SLC66A3: variants seen among roughly 807,000 people sequenced by gnomAD.
SLC66A3 encodes solute carrier family 66 member 3.
In SLC66A3, 23 loss-of-function variants were observed where a neutral mutation model predicts 25.5. That is an observed-to-expected ratio of 0.90 (90% confidence interval 0.65 to 1.28). The LOEUF is 1.28. Among genes scored for constraint, SLC66A3 ranks in the 50% most tolerant of loss-of-function variants. The probability of loss-of-function intolerance (pLI) is 0.00; values close to 1 mark genes in which losing one functional copy is unlikely to be tolerated. For synonymous variants in SLC66A3, 108 were observed against 112.6 expected (o/e 0.96, Z 0.26); for missense variants, 246 against 262.1 (o/e 0.94, Z 0.42).
chr2:11,166,743 A>G (rs1000569947), intron 4 of SLC66A3, among the ~76,000 whole-genome samples: 5 of 152,008 alleles, frequency 3.3e-5, no homozygotes, highest in African/African-American at 1.2e-4. Flanking sequence ...GAAAATACAA[A>G]AATTAGCCAT....
chr2:11,160,665 C>A lies in SLC66A3; in HGVS notation c.267C>A (p.Asn89Lys). The A allele has an allele frequency of 6.2e-7, 1 of 1,614,108 alleles. No individual in the cohort carries two copies. The highest frequency in any genetic ancestry group is 1.1e-5 in the South Asian group (1 of 91,084). The change falls in exon 3 of 7, where the codon AAC becomes AAA. Residue 89 changes from asparagine (N) to lysine (K), a missense_variant. By Grantham distance (94) the Asn-to-Lys change is moderately conservative. Around this residue, in one of 3 missense-constraint regions of SLC66A3, gnomAD observed 142 missense variants for 130.3 expected, o/e 1.09. Transcript: ENST00000295083. ...LLLCIFHFNG[N>K]VKQATPYIAV... The stretch of plus-strand genomic sequence containing the variant: ...TCTGTATCTTTCATTTTAACGGGAA[C>A]GTGAAGCAGGCCACTCCTTACATCG...
At chr2:11,163,162 C>T (rs1662187384) in intron 3 of SLC66A3, among the ~76,000 whole-genome samples, 1 of 152,132 alleles carries the variant, frequency 6.6e-6, no homozygotes, top group Admixed American at 6.5e-5. Flanking sequence ...TGTTTTCGAC[C>T]TGAAATTAAA....
chr2:11,176,551 C>A (rs1390083084), intron 6 of SLC66A3, among the ~76,000 whole-genome samples: 1 of 66,148 alleles, frequency 1.5e-5, no homozygotes, highest in South Asian at 5.9e-4. Context: ...TTTTTTGAGA[C>A]GGAGTCTCGC....
rs112268282 is a variant in SLC66A3, at chr2:11,160,905, C to T, written c.296+211C>T. 154 of 781,532 alleles carry T rather than the reference C, an allele frequency of 2.0e-4. No homozygotes were observed. In the African/African-American group the frequency reaches 2.2e-3, roughly 11 times the overall value. The allele number at this position is 781,532 out of a possible 1,614,324, so 48.4% of individuals were successfully genotyped here. A position where few individuals can be genotyped will look rare whatever the true frequency, so the allele number is the denominator to read the frequency against. On this transcript the variant is annotated intron_variant, in intron 3 of 6. Coordinates refer to ENST00000295083, the MANE Select transcript of SLC66A3 (RefSeq NM_152391.5). Reference sequence around the variant, plus strand: ...TCCTCCGAGACCAGCATGCCCTGGGCGGTGCCAGCAGGCCGAGTGGAAGGC... The same window carrying T: ...TCCTCCGAGACCAGCATGCCCTGGGTGGTGCCAGCAGGCCGAGTGGAAGGC...
At chr2:11,162,342 C>A (rs61632819) in intron 3 of SLC66A3, among the ~76,000 whole-genome samples, 10,731 of 152,202 alleles carry the variant, frequency 0.071, 493 homozygotes, top group African/African-American at 0.13. Flanking sequence ...TCAGTCCCAG[C>A]TGGTTAAAGG....
At chr2:11,156,993 G>A (rs1418665793) in intron 1 of SLC66A3, among the ~76,000 whole-genome samples, 1 of 152,182 alleles carries the variant, frequency 6.6e-6, no homozygotes, top group African/African-American at 2.4e-5. Context: ...TTTGGCCTCG[G>A]CCCCTTGCTA....
chr2:11,173,967 T>G lies in SLC66A3; in HGVS notation c.476-1001T>G, dbSNP rs1260021713. 2.0e-5 allele frequency among the ~76,000 whole-genome samples: 3 copies of G among 152,198 alleles called. 1 individual carries two copies. Among genetic ancestry groups the G allele is most frequent in the Admixed American group, 2.0e-4 (3 of 15,276 alleles). Reference sequence around the variant, plus strand: ...GTGATTCGAAAACATTTATTGTTTGTTTTTTGAGACAGAGTTTCGCTCTTT... The same window carrying G: ...GTGATTCGAAAACATTTATTGTTTGGTTTTTGAGACAGAGTTTCGCTCTTT... On this transcript the variant is annotated intron_variant, in intron 5 of 6. Transcript: ENST00000295083.
In SLC66A3 at chr2:11,175,220, A is replaced by G. The variant is rs185990030; in HGVS notation, c.517+211A>G. ...GTACAGGGGATAGACTATGCACAAGACAATAGATTCCTATCTCCATGGAAC... is the reference window on the plus strand; with the variant it reads ...GTACAGGGGATAGACTATGCACAAGGCAATAGATTCCTATCTCCATGGAAC... On this transcript the variant is annotated intron_variant, in intron 6 of 6. Transcript: ENST00000295083. Among the ~76,000 whole-genome samples the G allele has an allele frequency of 1.8e-4, 27 of 152,340 alleles. No homozygotes were observed. The East Asian group carries it at 4.8e-3, about 27-fold the overall frequency.
chr2:11,168,536 G>A (rs1662432648), intron 4 of SLC66A3, among the ~76,000 whole-genome samples: 1 of 152,118 alleles, frequency 6.6e-6, no homozygotes, highest in South Asian at 2.1e-4. Flanking sequence ...AATGTGGTCT[G>A]GGACCCTGAT....
At chr2:11,160,390 A>G (rs1662073938) in intron 1 of SLC66A3, 76 bp from the exon 2 acceptor site, 5 of 1,281,162 alleles carry the variant, frequency 3.9e-6, no homozygotes, top group South Asian at 1.2e-5. Flanking sequence ...AACTGACCTC[A>G]GTGTTCTGGT....
At chr2:11,176,546 T>TTG (rs1662752681) in intron 6 of SLC66A3, among the ~76,000 whole-genome samples, 1 of 117,714 alleles carries the variant, frequency 8.5e-6, no homozygotes, top group African/African-American at 3.2e-5. Flanking sequence ...TTTTTTTTTT[T>TTG]GAGACGGAGT....
At position 11,155,519 on chromosome 2, in the gene SLC66A3, C is replaced by A. The variant is rs553468503; in HGVS notation, c.-28C>A. 6.8e-7 allele frequency: 1 copy of A among 1,478,358 alleles called. No homozygotes were observed. The highest frequency in any genetic ancestry group is 8.9e-7 in the Non-Finnish European group (1 of 1,123,066). 91.6% of individuals were successfully genotyped at this position (1,478,358 alleles called of 1,614,324 possible). ...GCTGAGCGGTCCCTTCTCGCTGCGG[C>A]CGCCCAGGTGCCCGCGCCCGTGGCG... is the stretch of plus-strand genomic sequence containing the variant. On this transcript the variant is annotated 5_prime_UTR_variant, in exon 1 of 7. Transcript: ENST00000295083.
chr2:11,175,058 G>A (rs952800292), intron 6 of SLC66A3, 49 bp downstream of exon 6: 9 of 1,408,080 alleles, frequency 6.4e-6, no homozygotes, highest in Non-Finnish European at 8.9e-6. Flanking sequence ...TGCTATTTGT[G>A]TCTCCTTCAT....
At chr2:11,175,523 G>A (rs1662708569) in intron 6 of SLC66A3, among the ~76,000 whole-genome samples, 1 of 152,198 alleles carries the variant, frequency 6.6e-6, no homozygotes, top group Admixed American at 6.5e-5. Flanking sequence ...GGAGAGCAGG[G>A]GGACAGTGAC....
chr2:11,176,075 T>C (rs1662728781), intron 6 of SLC66A3, among the ~76,000 whole-genome samples: 1 of 152,256 alleles, frequency 6.6e-6, no homozygotes, highest in Middle Eastern at 3.4e-3. Flanking sequence ...ATTCTCAGCA[T>C]GGAAAGGAAA....
chr2:11,176,935 C>G (rs777259297), intron 6 of SLC66A3, among the ~76,000 whole-genome samples: 1 of 152,118 alleles, frequency 6.6e-6, no homozygotes, highest in Admixed American at 6.5e-5. Context: ...GTATCCGTAC[C>G]TTAAAGTAGA....
At position 11,155,610 on chromosome 2, in the gene SLC66A3, CTGCCG is replaced by C. The variant is rs1208015527; in HGVS notation, c.65_69del (p.Leu22ProfsTer64). The C allele has an allele frequency of 6.6e-7, 1 of 1,526,358 alleles. No homozygotes were observed. Among genetic ancestry groups the C allele is most frequent in the Non-Finnish European group, 8.7e-7 (1 of 1,147,464 alleles). The allele number at this position is 1,526,358 out of a possible 1,614,324, so 94.6% of individuals were successfully genotyped here. A position where few individuals can be genotyped will look rare whatever the true frequency, so the allele number is the denominator to read the frequency against. On this transcript the variant is annotated frameshift_variant, in exon 1 of 7. Transcript: ENST00000295083. LOFTEE classifies it high-confidence loss of function. ...GCTGGGCGTGTGCGCCGCGCTGAAGCTGCCGCAGATCTCCGCTGTGCTAGCGGCGC... is the reference window on the plus strand; with the variant it reads ...GCTGGGCGTGTGCGCCGCGCTGAAGCCAGATCTCCGCTGTGCTAGCGGCGC...
In SLC66A3 at chr2:11,158,889, G is replaced by C. The variant is rs149837658; in HGVS notation, c.144-1577G>C. On this transcript the variant is annotated intron_variant, in intron 1 of 6. Coordinates refer to ENST00000295083, the MANE Select transcript of SLC66A3 (RefSeq NM_152391.5). ...CCCCACCTCCCCAGGCTGCAGGGAT[G>C]GGGGGAGTTTGAATCCCAGGGAAAG... Among the ~76,000 whole-genome samples the C allele has an allele frequency of 7.0e-3, 1,065 of 152,308 alleles. 14 individuals carry two copies. The highest frequency in any genetic ancestry group is 0.024 in the African/African-American group (1,007 of 41,558).
At chr2:11,160,867 C>T (rs1433180714) in intron 3 of SLC66A3, 173 bp downstream of exon 3, 2 of 1,085,178 alleles carry the variant, frequency 1.8e-6, no homozygotes, top group Non-Finnish European at 1.3e-6. Flanking sequence ...GCCCTCAGTA[C>T]AGCCCCTGCT....
Sources: allele counts gnomAD v4.1 joint callset (sites outside exome capture counted in the v4.1 genomes callset), GRCh38; gene constraint gnomAD v4.1.1; regional missense constraint gnomAD v4.1.1; transcripts MANE v1.5; gene names NCBI Gene and HGNC (gene_info 2026-07-23, HGNC 2026-07-21).